CTNNA3: variants seen among roughly 807,000 people sequenced by gnomAD.
CTNNA3 encodes catenin alpha-3.
CTNNA3 carries 76 observed loss-of-function variants against 95.7 expected under a neutral mutation model. That is an observed-to-expected ratio of 0.79 (90% confidence interval 0.66 to 0.96). The LOEUF (loss-of-function observed/expected upper bound fraction) is 0.96. Among genes scored for constraint, CTNNA3 ranks in the 40% least tolerant of loss-of-function variants. CTNNA3 has a pLI of 0.00. For missense variants in CTNNA3, 1,191 were observed against 1,089.8 expected (o/e 1.09, Z -1.31); for synonymous variants, 431 against 374.4 (o/e 1.15, Z -1.74).
chr10:66,757,718 C>T (rs1468271951), intron 9 of CTNNA3, among the ~76,000 whole-genome samples: 1 of 152,160 alleles, frequency 6.6e-6, no homozygotes, highest in Admixed American at 6.5e-5. Context: ...TTTCTCCTCT[C>T]TTCATTTAAA....
chr10:66,753,690 T>TAC (rs1037760044), intron 9 of CTNNA3, among the ~76,000 whole-genome samples: 7 of 150,404 alleles, frequency 4.7e-5, no homozygotes, highest in East Asian at 3.9e-4. Context: ...TATATATATA[T>TAC]ACACACACAC....
intron 5 of CTNNA3, among the ~76,000 whole-genome samples, chr10:67,364,278 T>C (rs190596519): frequency 6.6e-6 from 1 of 152,134 alleles, no homozygotes; most frequent in Non-Finnish European, 1.5e-5. Flanking sequence ...TTCAACAGCC[T>C]TTTATGTCAA....
chr10:66,062,222 T>C (rs2080215916), intron 15 of CTNNA3, among the ~76,000 whole-genome samples: 1 of 152,164 alleles, frequency 6.6e-6, no homozygotes, highest in Non-Finnish European at 1.5e-5. Context: ...CTTTTATTAA[T>C]AAAATAATAT....
intron 7 of CTNNA3, among the ~76,000 whole-genome samples, chr10:67,047,884 C>A (rs1328692385): frequency 6.6e-6 from 1 of 151,750 alleles, no homozygotes; most frequent in Admixed American, 6.6e-5. Context: ...AACAAAAAAA[C>A]AAAACAAAAG....
chr10:67,008,644 TTTGTC>T (rs1852145895), intron 7 of CTNNA3, among the ~76,000 whole-genome samples: 1 of 152,154 alleles, frequency 6.6e-6, no homozygotes, highest in South Asian at 2.1e-4. Context: ...GCCCCATTCA[TTTGTC>T]TGGCTCTTAC....
In CTNNA3 at chr10:67,219,884, TA is replaced by T; in HGVS notation, c.580-15del. 6.3e-7 allele frequency: 1 copy of T among 1,591,862 alleles called. No individual in the cohort carries two copies. Among genetic ancestry groups the T allele is most frequent in the Non-Finnish European group, 8.6e-7 (1 of 1,166,322 alleles). ...AGATTTTAAGTCCTGAGAAGGTAAA[TA>T]AAAAGAGTGGTATCTTACAATGGGT... On this transcript the variant is annotated splice_polypyrimidine_tract_variant and intron_variant, in intron 5 of 17. Coordinates refer to ENST00000433211, the MANE Select transcript of CTNNA3 (RefSeq NM_013266.4).
chr10:66,348,121 A>G (rs768766655), intron 12 of CTNNA3, among the ~76,000 whole-genome samples: 60 of 152,272 alleles, frequency 3.9e-4, no homozygotes, highest in Non-Finnish European at 7.1e-4. Flanking sequence ...CATCAGATTC[A>G]GAAAGGAATC....
chr10:66,130,096 A>T (rs1187480834), intron 13 of CTNNA3, among the ~76,000 whole-genome samples: 1 of 152,084 alleles, frequency 6.6e-6, no homozygotes, highest in Non-Finnish European at 1.5e-5. Context: ...CAGAACAGTG[A>T]CCTGCCCCCA....
intron 7 of CTNNA3, among the ~76,000 whole-genome samples, chr10:66,832,349 C>T (rs1842749682): frequency 6.6e-6 from 1 of 152,120 alleles, no homozygotes; most frequent in African/African-American, 2.4e-5. Context: ...CTCAATTTAT[C>T]TGTCTTAGAA....
chr10:67,018,619 A>C (rs889669902), intron 7 of CTNNA3, among the ~76,000 whole-genome samples: 7 of 152,376 alleles, frequency 4.6e-5, no homozygotes, highest in Admixed American at 3.9e-4. Context: ...CTCTGGAGCC[A>C]GAATGCCTGG....
chr10:66,596,669 T>C (rs1843724677), intron 10 of CTNNA3, among the ~76,000 whole-genome samples: 1 of 152,090 alleles, frequency 6.6e-6, no homozygotes, highest in Admixed American at 6.5e-5. Context: ...CCAACGGGGC[T>C]GACTGGTCAA....
At chr10:67,089,908 C>T (rs867994374) in intron 7 of CTNNA3, among the ~76,000 whole-genome samples, 1 of 151,996 alleles carries the variant, frequency 6.6e-6, no homozygotes, top group Non-Finnish European at 1.5e-5. Context: ...ATTTCCCAGT[C>T]CTGTACTTCT....
At chr10:67,466,536 C>T (rs963210192) in intron 5 of CTNNA3, among the ~76,000 whole-genome samples, 3 of 152,126 alleles carry the variant, frequency 2.0e-5, no homozygotes, top group African/African-American at 7.2e-5. Context: ...ACATATTTTT[C>T]TCCCTAGGAA....
At chr10:66,971,068 G>GA (rs950892382) in intron 7 of CTNNA3, among the ~76,000 whole-genome samples, 3 of 151,622 alleles carry the variant, frequency 2.0e-5, no homozygotes, top group Admixed American at 6.6e-5. Context: ...CATCTTAAAG[G>GA]AAAAAAAATG....
intron 11 of CTNNA3, among the ~76,000 whole-genome samples, chr10:66,397,032 C>G (rs936648191): frequency 2.6e-5 from 4 of 151,264 alleles, no homozygotes; most frequent in African/African-American, 9.7e-5. Flanking sequence ...AAATAGGACC[C>G]TCATTTAAAA....
At position 66,103,231 on chromosome 10, in the gene CTNNA3, C is replaced by T. The variant is rs1180223980; in HGVS notation, c.1903G>A (p.Asp635Asn). 8.1e-6 allele frequency: 13 copies of T among 1,613,916 alleles called. No individual in the cohort carries two copies. Among genetic ancestry groups the T allele is most frequent in the Non-Finnish European group, 1.0e-5 (12 of 1,179,798 alleles). ...MMIRTPEELE[D>N]VSDLEEEHEV... ...TGTTCCTCTTCAAGGTCAGAAACAT[C>T]CTCCAGTTCCTCTGGGGTCTATAAA... is the stretch of plus-strand genomic sequence containing the variant. The change falls in exon 14 of 18, where the codon GAT (aspartate) becomes AAT (asparagine). Residue 635 changes from aspartate to asparagine, a missense_variant. Transcript: ENST00000433211.
At chr10:67,134,590 T>C (rs541542000) in intron 7 of CTNNA3, among the ~76,000 whole-genome samples, 1 of 152,006 alleles carries the variant, frequency 6.6e-6, no homozygotes, top group Non-Finnish European at 1.5e-5. Context: ...TGAGCACCCA[T>C]CAAGAGAGCA....
At chr10:66,121,052 A>G (rs926272712) in intron 13 of CTNNA3, among the ~76,000 whole-genome samples, 4 of 152,218 alleles carry the variant, frequency 2.6e-5, no homozygotes, top group Admixed American at 6.5e-5. Flanking sequence ...CAGGTGTCCT[A>G]TATACATAAC....
chr10:66,404,316 C>T (rs1219105804), intron 11 of CTNNA3, among the ~76,000 whole-genome samples: 1 of 152,120 alleles, frequency 6.6e-6, no homozygotes, highest in African/African-American at 2.4e-5. Flanking sequence ...ACCAACAGCC[C>T]AGGTTCTCTT....
Sources: allele counts gnomAD v4.1 joint callset (sites outside exome capture counted in the v4.1 genomes callset), GRCh38; gene constraint gnomAD v4.1.1; transcripts MANE v1.5; gene names NCBI Gene and HGNC (gene_info 2026-07-23, HGNC 2026-07-21).